PDE3B: variants seen among roughly 807,000 people sequenced by gnomAD.
PDE3B encodes the protein phosphodiesterase 3B.
In PDE3B, 66 loss-of-function variants were observed where a neutral mutation model predicts 116.8. That is an observed-to-expected ratio of 0.56 (90% CI 0.46 to 0.69). The LOEUF (loss-of-function observed/expected upper bound fraction) is 0.69, where lower values mean the gene tolerates loss of function less well. PDE3B is among the 30% of genes least tolerant of loss of function. The pLI is 0.00. For synonymous variants in PDE3B, 595 were observed against 533.6 expected (o/e 1.12, Z -1.59); for missense variants, 1,384 against 1,368.1 (o/e 1.01, Z -0.18).
chr11:14,711,594 G>A (rs188448003), intron 1 of PDE3B, among the ~76,000 whole-genome samples: 33 of 152,040 alleles, frequency 2.2e-4, no homozygotes, highest in African/African-American at 6.0e-4. Flanking sequence ...GGGAGGTGCC[G>A]GACTTTGCAA....
chr11:14,666,990 T>C (rs888589966), intron 1 of PDE3B, among the ~76,000 whole-genome samples: 1 of 151,888 alleles, frequency 6.6e-6, no homozygotes, highest in Non-Finnish European at 1.5e-5. Flanking sequence ...CACACGTATG[T>C]TTATTGCGGC....
chr11:14,770,439 A>G (rs866594426), intron 1 of PDE3B, among the ~76,000 whole-genome samples: 2 of 151,670 alleles, frequency 1.3e-5, no homozygotes, highest in South Asian at 4.2e-4. Context: ...GATCATAACA[A>G]TATCATGTAT....
intron 1 of PDE3B, among the ~76,000 whole-genome samples, chr11:14,721,611 C>T (rs544737597): frequency 2.4e-4 from 36 of 149,214 alleles, no homozygotes; most frequent in Non-Finnish European, 4.0e-4. Flanking sequence ...AGGATGAGTT[C>T]ATGTCCTTTC....
At chr11:14,792,196 A>G (rs913852839) in intron 4 of PDE3B, among the ~76,000 whole-genome samples, 12 of 152,142 alleles carry the variant, frequency 7.9e-5, no homozygotes, top group Admixed American at 7.9e-4. Context: ...AAGTAAATGA[A>G]CTAACACAGA....
the PDE3B span, among the ~76,000 whole-genome samples, chr11:14,896,297 A>G: frequency 6.6e-6 from 1 of 152,222 alleles, no homozygotes; most frequent in Admixed American, 6.5e-5. Context: ...CACACAAGAT[A>G]GCACCAGTAG....
intron 1 of PDE3B, among the ~76,000 whole-genome samples, chr11:14,730,398 C>CA (rs1277742800): frequency 2.6e-5 from 4 of 152,046 alleles, no homozygotes; most frequent in African/African-American, 9.7e-5. Context: ...GTTGGGTGGC[C>CA]AAAAATGTAC....
At chr11:14,865,548 T>C (rs1848028212) in intron 14 of PDE3B, among the ~76,000 whole-genome samples, 1 of 152,038 alleles carries the variant, frequency 6.6e-6, no homozygotes, top group Admixed American at 6.6e-5. Context: ...CAGCTAAACA[T>C]CCCAACACAA....
At chr11:14,785,485 T>C (rs1484175608) in intron 2 of PDE3B, among the ~76,000 whole-genome samples, 1 of 152,130 alleles carries the variant, frequency 6.6e-6, no homozygotes, top group Non-Finnish European at 1.5e-5. Context: ...TAAACAGTTT[T>C]GTTGTGAACT....
intron 1 of PDE3B, among the ~76,000 whole-genome samples, chr11:14,701,774 G>A (rs1256483480): frequency 6.6e-6 from 1 of 150,718 alleles, no homozygotes; most frequent in African/African-American, 2.4e-5. Flanking sequence ...CTGTTTATTT[G>A]TGAACTAAGT....
chr11:14,756,802 A>ATTT lies in PDE3B; in HGVS notation c.979-15125_979-15123dup, dbSNP rs372781887. 7.1e-3 allele frequency among the ~76,000 whole-genome samples: 840 copies of ATTT among 118,102 alleles called. 5 individuals are homozygous for ATTT. The highest frequency in any genetic ancestry group is 8.8e-3 in the Non-Finnish European group (418 of 47,502). 77.5% of individuals were successfully genotyped at this position (118,102 alleles called of 152,430 possible). A position where few individuals can be genotyped will look rare whatever the true frequency, so the allele number is the denominator to read the frequency against. ...ACACAAGATATCATTTTAAGTGCTTATTTTTTTTTTTTATTATACTTTAAG... is the reference window on the plus strand; with the variant it reads ...ACACAAGATATCATTTTAAGTGCTTATTTTTTTTTTTTTTTATTATACTTTAAG... On this transcript the variant is annotated intron_variant, in intron 1 of 15. Transcript: ENST00000282096.
chr11:14,756,227 C>T (rs1211025889), intron 1 of PDE3B, among the ~76,000 whole-genome samples: 2 of 152,022 alleles, frequency 1.3e-5, no homozygotes, highest in African/African-American at 4.8e-5. Flanking sequence ...GAAATGGTGT[C>T]TATATCAAGA....
chr11:14,815,362 T>C (rs1418739830), intron 5 of PDE3B, among the ~76,000 whole-genome samples: 1 of 152,156 alleles, frequency 6.6e-6, no homozygotes, highest in African/African-American at 2.4e-5. Context: ...ATGTTGGCTC[T>C]ACCTTGTTCT....
chr11:14,787,373 A>G (rs1462879565), intron 3 of PDE3B, among the ~76,000 whole-genome samples: 1 of 151,984 alleles, frequency 6.6e-6, no homozygotes, highest in Non-Finnish European at 1.5e-5. Context: ...AACTAGAAAC[A>G]TTGTAGAAAT....
At chr11:14,754,140 C>G (rs1590116537) in intron 1 of PDE3B, among the ~76,000 whole-genome samples, 1 of 152,062 alleles carries the variant, frequency 6.6e-6, no homozygotes, top group African/African-American at 2.4e-5. Flanking sequence ...TATTTCATGG[C>G]ATAGAGGGAG....
At chr11:14,880,052 T>C in the PDE3B span, 3 of 1,399,344 alleles carry the variant, frequency 2.1e-6, no homozygotes, top group South Asian at 1.3e-5. Flanking sequence ...CTAAAGAAAA[T>C]GTATTGTGCA....
At chr11:14,801,444 C>T (rs1229032872) in intron 4 of PDE3B, among the ~76,000 whole-genome samples, 1 of 152,210 alleles carries the variant, frequency 6.6e-6, no homozygotes, top group Non-Finnish European at 1.5e-5. Flanking sequence ...CCCTGTTTGC[C>T]TGGATGTCAC....
At chr11:14,781,310 T>G (rs544024730) in intron 2 of PDE3B, among the ~76,000 whole-genome samples, 47 of 152,226 alleles carry the variant, frequency 3.1e-4, no homozygotes, top group Non-Finnish European at 6.5e-4. Context: ...CTAACTGATT[T>G]TATGAGGCCA....
chr11:14,879,091 A>G, the PDE3B span: 1 of 1,565,500 alleles, frequency 6.4e-7, no homozygotes, highest in South Asian at 1.1e-5. Context: ...TTCTAAAGTT[A>G]CGCCCCGTGA....
At chr11:14,661,473 C>A (rs550557314) in intron 1 of PDE3B, among the ~76,000 whole-genome samples, 2 of 152,184 alleles carry the variant, frequency 1.3e-5, no homozygotes, top group Non-Finnish European at 2.9e-5. Flanking sequence ...GTGGGTGCAG[C>A]GCACCGTGCA....
Sources: allele counts gnomAD v4.1 joint callset (sites outside exome capture counted in the v4.1 genomes callset), GRCh38; gene constraint gnomAD v4.1.1; transcripts MANE v1.5; gene names NCBI Gene and HGNC (gene_info 2026-07-23, HGNC 2026-07-21).